Variants in CCSER2 observed in about 807,000 individuals in gnomAD.
CCSER2 encodes the protein serine-rich coiled-coil domain-containing protein 2.
CCSER2 carries 46 observed loss-of-function variants against 92.3 expected under a neutral mutation model. The ratio of observed to expected loss-of-function variants is 0.50; its 90% CI spans 0.39 to 0.64. The LOEUF is 0.64. CCSER2 is among the 30% of genes least tolerant of loss of function. The pLI is 0.00. For synonymous variants in CCSER2, 433 were observed against 431.4 expected (o/e 1.00, Z -0.04); for missense variants, 1,244 against 1,238.9 (o/e 1.00, Z -0.06).
intron 6 of CCSER2, chr10:84,455,717 A>C: frequency 1.2e-6 from 1 of 812,288 alleles, no homozygotes; most frequent in Admixed American, 1.7e-5. Flanking sequence ...CAAAAGATCA[A>C]ATGACCTCTC....
rs67106487 is a variant in CCSER2, at chr10:84,470,013, A to AT, written c.2149-335dup. Among the ~76,000 whole-genome samples the AT allele has an allele frequency of 8.1e-3, 777 of 96,496 alleles. 12 individuals are homozygous for AT. Among genetic ancestry groups the AT allele is most frequent in the East Asian group, 0.013 (45 of 3,358 alleles). The allele number at this position is 96,496 out of a possible 152,430, so 63.3% of individuals were successfully genotyped here. Reference sequence around the variant, plus strand: ...AGCTGAAGTTGCTTTTTTGTATGTGATTTTTTTTTTTTTTTTTTTTTTTTA... The same window carrying AT: ...AGCTGAAGTTGCTTTTTTGTATGTGATTTTTTTTTTTTTTTTTTTTTTTTTA... On this transcript the variant is annotated intron_variant, in intron 7 of 9. Transcript: ENST00000372088.
chr10:84,456,700 C>T (rs1023716322), intron 6 of CCSER2, among the ~76,000 whole-genome samples: 1 of 152,142 alleles, frequency 6.6e-6, no homozygotes, highest in Non-Finnish European at 1.5e-5. Context: ...TGTATTGCCA[C>T]TAGCAATGTA....
At chr10:84,394,385 A>G (rs10887281) in intron 3 of CCSER2, among the ~76,000 whole-genome samples, 1,645 of 132,676 alleles carry the variant, frequency 0.012, 13 homozygotes, top group African/African-American at 0.016. Context: ...AAAGGAAAGT[A>G]TGTGTGTGTG....
chr10:84,512,185 A>G (rs1849383920), intron 9 of CCSER2, among the ~76,000 whole-genome samples: 2 of 152,144 alleles, frequency 1.3e-5, no homozygotes, highest in African/African-American at 4.8e-5. Context: ...AACTGAAAAA[A>G]ACACAAATGA....
intron 9 of CCSER2, among the ~76,000 whole-genome samples, chr10:84,485,854 A>AT (rs2133778991): frequency 6.6e-6 from 1 of 152,202 alleles, no homozygotes; most frequent in South Asian, 2.1e-4. Context: ...TTAACTCGTC[A>AT]TTTACATTAG....
rs1345431200 is a variant in CCSER2 at position 84,332,428 on chromosome 10, A to AT, written c.-40+3621dup. ...TTTATTTTTTTATATATATATATAT[A>AT]TATATATATTTTTTTTTTTTTTTTT... On this transcript the variant is annotated intron_variant, in intron 1 of 9. Transcript: ENST00000372088. Among the ~76,000 whole-genome samples, 152 of 77,284 alleles carry AT rather than the reference A, an allele frequency of 2.0e-3. 3 individuals are homozygous for AT. In the East Asian group the frequency reaches 0.031, roughly 16 times the overall value. The allele number at this position is 77,284 out of a possible 152,430, so 50.7% of individuals were successfully genotyped here.
In CCSER2 at chr10:84,340,655, C is replaced by A. The variant is rs79653747; in HGVS notation, c.-40+11847C>A. ...GGTTTTTTTTTTTCCTCTTTGACGT[C>A]TCTATTTGGATGTTGACCTTAACCA... On this transcript the variant is annotated intron_variant, in intron 1 of 9. Coordinates refer to ENST00000372088, the MANE Select transcript of CCSER2 (RefSeq NM_001284240.2). Among the ~76,000 whole-genome samples the A allele has an allele frequency of 5.0e-3, 747 of 149,726 alleles. 4 individuals carry two copies. The highest frequency in any genetic ancestry group is 0.018 in the African/African-American group (721 of 40,706).
intron 9 of CCSER2, among the ~76,000 whole-genome samples, chr10:84,498,972 A>T (rs1848585991): frequency 1.3e-5 from 2 of 152,204 alleles, no homozygotes; most frequent in South Asian, 4.1e-4. Flanking sequence ...TAAAGCTAAA[A>T]AGCCACAAGT....
intron 9 of CCSER2, among the ~76,000 whole-genome samples, chr10:84,511,259 A>C (rs1031401630): frequency 2.0e-5 from 3 of 152,050 alleles, no homozygotes; most frequent in African/African-American, 7.2e-5. Context: ...TGTCTTTCTG[A>C]CTCTGCTGTA....
rs1846100373 is a variant in CCSER2 at position 84,372,224 on chromosome 10, G to T, written c.1172G>T (p.Ser391Ile). The change falls in exon 2 of 10, where the codon AGT becomes ATT. Residue 391 changes from serine (S) to isoleucine (I), a missense_variant. By Grantham distance (142) the Ser-to-Ile change is moderately radical (BLOSUM62 -2). Transcript: ENST00000372088. Reference sequence around the variant, plus strand: ...CATGATGCTAAAATGAGATACCTGAGTGATGATGTGGATGACATTTCCTTG... The same window carrying T: ...CATGATGCTAAAATGAGATACCTGATTGATGATGTGGATGACATTTCCTTG... ...MKHDAKMRYLSDDVDDISLSS... is the reference protein window; with the variant it reads ...MKHDAKMRYLIDDVDDISLSS... 6.2e-7 allele frequency: 1 copy of T among 1,613,484 alleles called. No individual in the cohort carries two copies. Among genetic ancestry groups the T allele is most frequent in the Non-Finnish European group, 8.5e-7 (1 of 1,179,614 alleles).
chr10:84,346,807 C>G (rs572057443), intron 1 of CCSER2, among the ~76,000 whole-genome samples: 5 of 150,190 alleles, frequency 3.3e-5, no homozygotes, highest in Non-Finnish European at 7.4e-5. Flanking sequence ...TTTTATTGAT[C>G]ATTCTTGGGT....
At chr10:84,400,603 T>C (rs1842067942) in intron 3 of CCSER2, among the ~76,000 whole-genome samples, 1 of 152,196 alleles carries the variant, frequency 6.6e-6, no homozygotes, top group Admixed American at 6.5e-5. Context: ...ACAGTTTTTT[T>C]CTTTCACCAT....
intron 3 of CCSER2, among the ~76,000 whole-genome samples, chr10:84,395,893 A>G (rs1841802243): frequency 6.6e-6 from 1 of 152,206 alleles, no homozygotes; most frequent in African/African-American, 2.4e-5. Context: ...AATGAGATTT[A>G]GAAACCAAGA....
chr10:84,438,588 A>G lies in CCSER2; in HGVS notation c.1945A>G (p.Met649Val), dbSNP rs561746534. ...GATGCCCTTTTTCCAGGCTCAGAAGATGTTTGTTGATGTACCAGAAAATAC... is the reference window on the plus strand; with the variant it reads ...GATGCCCTTTTTCCAGGCTCAGAAGGTGTTTGTTGATGTACCAGAAAATAC... Reference protein sequence around the residue: ...GGMPFFQAQKMFVDVPENTVI... With the variant: ...GGMPFFQAQKVFVDVPENTVI... Residue 649 changes from methionine (M) to valine (V), a missense_variant, in exon 6 of 10, where the codon ATG becomes GTG. Coordinates refer to ENST00000372088, the MANE Select transcript of CCSER2 (RefSeq NM_001284240.2). The G allele has an allele frequency of 1.1e-4, 183 of 1,613,228 alleles. 4 individuals carry two copies. In the South Asian group the frequency reaches 1.9e-3, roughly 17 times the overall value.
In CCSER2 at chr10:84,438,656, T is replaced by C. The variant is rs569781533; in HGVS notation, c.2013T>C (p.Asp671=). 1.5e-4 allele frequency: 249 copies of C among 1,613,410 alleles called. 2 individuals are homozygous for C. In the South Asian group the frequency reaches 2.6e-3, roughly 17 times the overall value. The change falls in exon 6 of 10, where the codon GAT becomes GAC. Residue 671 remains aspartate, a synonymous_variant. Transcript: ENST00000372088. ...DEMTLRHMVQ[D]CTAVKTQLLK... ...TGACCCTTCGGCACATGGTTCAGGA[T>C]TGCACTGCTGTAAAAACTCAGTTAC...
chr10:84,447,186 G>A (rs1240820473), intron 6 of CCSER2, among the ~76,000 whole-genome samples: 3 of 152,188 alleles, frequency 2.0e-5, no homozygotes, highest in African/African-American at 4.8e-5. Context: ...GTTTTCCAAA[G>A]TAGTTCAGTC....
intron 1 of CCSER2, among the ~76,000 whole-genome samples, chr10:84,344,561 G>C (rs1044286559): frequency 2.6e-5 from 4 of 152,142 alleles, no homozygotes; most frequent in Admixed American, 2.6e-4. Flanking sequence ...TTGATAGTGG[G>C]ATGTATGTAT....
chr10:84,359,338 G>A (rs1370867692), intron 1 of CCSER2, among the ~76,000 whole-genome samples: 1 of 152,098 alleles, frequency 6.6e-6, no homozygotes, highest in East Asian at 1.9e-4. Context: ...AAAATGTTTA[G>A]TTGATTTATG....
intron 1 of CCSER2, among the ~76,000 whole-genome samples, chr10:84,341,134 G>A (rs1174073412): frequency 2.1e-5 from 3 of 144,428 alleles, no homozygotes; most frequent in African/African-American, 7.9e-5. Context: ...TTAACCTCCT[G>A]GACTCAAGTG....
Sources: allele counts gnomAD v4.1 joint callset (sites outside exome capture counted in the v4.1 genomes callset), GRCh38; gene constraint gnomAD v4.1.1; transcripts MANE v1.5; gene names NCBI Gene and HGNC (gene_info 2026-07-23, HGNC 2026-07-21).